SGCG: variants seen among roughly 807,000 people sequenced by gnomAD.
SGCG encodes the protein gamma-sarcoglycan.
SGCG carries 26 observed loss-of-function variants against 29.3 expected under a neutral mutation model. The observed-to-expected ratio is 0.89, with a 90% CI of 0.65 to 1.23. The LOEUF (loss-of-function observed/expected upper bound fraction) is 1.23, where lower values mean the gene tolerates loss of function less well. Among genes scored for constraint, SGCG ranks in the 50% most tolerant of loss-of-function variants. The pLI is 0.00. For synonymous variants in SGCG, 145 were observed against 129.7 expected, an observed-to-expected ratio of 1.12 and a Z score of -0.80; for missense variants, 353 against 356.0, an observed-to-expected ratio of 0.99 and a Z score of 0.07.
intron 1 of SGCG, among the ~76,000 whole-genome samples, chr13:23,200,516 A>G (rs1454352650): frequency 6.6e-6 from 1 of 152,184 alleles, no homozygotes; most frequent in Non-Finnish European, 1.5e-5. Context: ...CACATACTAC[A>G]TGCTGGCTGC....
chr13:23,261,642 C>T (rs777686548), intron 4 of SGCG, among the ~76,000 whole-genome samples: 10 of 151,948 alleles, frequency 6.6e-5, no homozygotes, highest in Admixed American at 1.3e-4. Context: ...CATCCAAGTA[C>T]AAGAAGTTCA....
intron 6 of SGCG, among the ~76,000 whole-genome samples, chr13:23,298,335 G>A (rs68006303): frequency 0.53 from 80,397 of 151,838 alleles, 21,898 homozygotes; most frequent in African/African-American, 0.57. Flanking sequence ...CAGCCTGGGC[G>A]ACAGAGCCAG....
Position 23,310,105 on chromosome 13 carries a change from T to G in SGCG, c.579-10532T>G, listed in dbSNP as rs1383168405. ...TTTTTTTTTTTTTTTTTTTTTTTTT[T>G]AGACGGAGTCTTGCTCTGTTGCCCA... On this transcript the variant is annotated intron_variant, in intron 6 of 7. Coordinates refer to ENST00000218867, the MANE Select transcript of SGCG (RefSeq NM_000231.3). Among the ~76,000 whole-genome samples the G allele has an allele frequency of 3.1e-4, 25 of 81,150 alleles. No homozygotes were observed. In the South Asian group the frequency reaches 9.8e-3, roughly 32 times the overall value. The allele number at this position is 81,150 out of a possible 152,430, so 53.2% of individuals were successfully genotyped here.
At chr13:23,190,841 G>T (rs963156982) in intron 1 of SGCG, among the ~76,000 whole-genome samples, 2 of 152,080 alleles carry the variant, frequency 1.3e-5, no homozygotes, top group Non-Finnish European at 2.9e-5. Flanking sequence ...TTATATCACT[G>T]ACGATATTAG....
the SGCG span, among the ~76,000 whole-genome samples, chr13:23,171,106 A>C: frequency 2.7e-4 from 41 of 152,356 alleles, no homozygotes; most frequent in Admixed American, 2.7e-3. Flanking sequence ...CAGGCATATC[A>C]TTAGGTAAAC....
intron 1 of SGCG, among the ~76,000 whole-genome samples, chr13:23,182,879 T>C (rs1450759969): frequency 6.6e-6 from 1 of 152,184 alleles, no homozygotes; most frequent in Non-Finnish European, 1.5e-5. Flanking sequence ...CCCAGTCACA[T>C]GGGTGCTTTG....
chr13:23,295,453 C>T lies in SGCG; in HGVS notation c.544C>T (p.Pro182Ser). The T allele has an allele frequency of 1.2e-6, 2 of 1,613,976 alleles. No individual in the cohort carries two copies. Among genetic ancestry groups the T allele is most frequent in the East Asian group, 2.2e-5 (1 of 44,868 alleles). The change falls in exon 6 of 8, where the codon CCC (proline) becomes TCC (serine). Residue 182 changes from proline to serine, a missense_variant. Transcript: ENST00000218867. ...TCTTTTTGAACATTCAGTGGAGACA[C>T]CCCTTGTCAGAGCCGACCCGTTTCA... ...GALFEHSVET[P>S]LVRADPFQDL...
chr13:23,188,662 C>T (rs141216741), intron 1 of SGCG, among the ~76,000 whole-genome samples: 135 of 152,116 alleles, frequency 8.9e-4, no homozygotes, highest in African/African-American at 3.2e-3. Context: ...TCATCTAGTC[C>T]GGTCCACATG....
At chr13:23,185,659 G>A (rs533753562) in intron 1 of SGCG, among the ~76,000 whole-genome samples, 2 of 152,358 alleles carry the variant, frequency 1.3e-5, no homozygotes, top group East Asian at 1.9e-4. Flanking sequence ...AGAAGGAGAT[G>A]TCAAATAGTA....
chr13:23,256,757 T>C (rs1410892615), intron 4 of SGCG, among the ~76,000 whole-genome samples: 1 of 152,248 alleles, frequency 6.6e-6, no homozygotes, highest in Non-Finnish European at 1.5e-5. Flanking sequence ...ATGTGCCACA[T>C]TTTCTTAATC....
intron 6 of SGCG, among the ~76,000 whole-genome samples, chr13:23,312,848 T>TA (rs1193184034): frequency 2.7e-4 from 41 of 152,254 alleles, no homozygotes; most frequent in African/African-American, 9.9e-4. Flanking sequence ...TCCAAAAACA[T>TA]GTATTAGGTA....
At chr13:23,288,301 C>G (rs1441003867) in intron 5 of SGCG, among the ~76,000 whole-genome samples, 5 of 152,146 alleles carry the variant, frequency 3.3e-5, no homozygotes, top group African/African-American at 4.8e-5. Flanking sequence ...TTTCTCCGCC[C>G]TTGTCACTTG....
intron 6 of SGCG, among the ~76,000 whole-genome samples, chr13:23,299,523 G>A (rs1468813879): frequency 7.2e-6 from 1 of 139,740 alleles, no homozygotes. Context: ...CGCGATCTCG[G>A]CTCACTGCAA....
At chr13:23,286,672 A>G (rs1881508769) in intron 5 of SGCG, among the ~76,000 whole-genome samples, 1 of 143,694 alleles carries the variant, frequency 7.0e-6, no homozygotes. Context: ...GAGATTAACA[A>G]CAATAGCTCA....
chr13:23,192,877 T>C (rs1877332802), intron 1 of SGCG, among the ~76,000 whole-genome samples: 1 of 152,220 alleles, frequency 6.6e-6, no homozygotes, highest in Non-Finnish European at 1.5e-5. Context: ...ACTGAGCTGT[T>C]ACTATGTGCC....
intron 5 of SGCG, among the ~76,000 whole-genome samples, chr13:23,288,605 A>G (rs951659501): frequency 5.3e-5 from 8 of 152,216 alleles, no homozygotes; most frequent in African/African-American, 1.7e-4. Flanking sequence ...TCTGAAACCA[A>G]TTTAGGCCTT....
chr13:23,161,392 T>G, the SGCG span, among the ~76,000 whole-genome samples: 1 of 152,216 alleles, frequency 6.6e-6, no homozygotes, highest in Non-Finnish European at 1.5e-5. Context: ...AGTGATAATA[T>G]TGTACAGGCG....
At chr13:23,228,868 T>C (rs1478910905) in intron 2 of SGCG, among the ~76,000 whole-genome samples, 3 of 152,146 alleles carry the variant, frequency 2.0e-5, no homozygotes, top group African/African-American at 7.2e-5. Flanking sequence ...TCCAGTCTAC[T>C]GTTTCTTTAT....
At chr13:23,283,680 C>A (rs143560751) in intron 5 of SGCG, among the ~76,000 whole-genome samples, 1 of 152,032 alleles carries the variant, frequency 6.6e-6, no homozygotes, top group African/African-American at 2.4e-5. Flanking sequence ...ATCATTTTAC[C>A]CATTAGTTGA....
Sources: gnomAD v4.1 joint callset for allele counts (sites outside exome capture counted in the v4.1 genomes callset) on GRCh38, gnomAD v4.1.1 for gene constraint, MANE v1.5 for transcripts, NCBI Gene and HGNC (gene_info 2026-07-23, HGNC 2026-07-21) for gene names.